Variants in EYA4 observed in about 807,000 individuals in gnomAD.
EYA4 encodes protein phosphatase EYA4.
A neutral mutation model predicts 87.9 loss-of-function variants in EYA4; 31 were observed. The observed-to-expected ratio is 0.35, with a 90% CI of 0.27 to 0.48. The LOEUF (loss-of-function observed/expected upper bound fraction) is 0.48, where lower values mean the gene tolerates loss of function less well. Ranked by LOEUF, EYA4 falls within the 20% of genes least tolerant of loss-of-function variation. The pLI is 0.99. For missense variants in EYA4, 678 were observed against 761.4 expected (o/e 0.89, Z 1.29); for synonymous variants, 263 against 270.6 (o/e 0.97, Z 0.28).
rs890401627 is a variant in EYA4, at chr6:133,343,589, C to T, written c.34-38803C>T. On this transcript the variant is annotated intron_variant, in intron 2 of 19. Coordinates refer to ENST00000355286, the MANE Select transcript of EYA4 (RefSeq NM_004100.5). ...ACCACCCCCCCCACCCACCCCACCA[C>T]CCTTGACCCTCTCCATACACACTCT... Among the ~76,000 whole-genome samples the T allele has an allele frequency of 2.0e-3, 290 of 148,124 alleles. 1 individual carries two copies. The highest frequency in any genetic ancestry group is 2.4e-3 in the Non-Finnish European group (162 of 66,592).
At chr6:133,469,304 C>T (rs1271669474) in intron 11 of EYA4, among the ~76,000 whole-genome samples, 1 of 152,044 alleles carries the variant, frequency 6.6e-6, no homozygotes, top group African/African-American at 2.4e-5. Flanking sequence ...GTAACAGAGA[C>T]TCAGTATAAT....
At chr6:133,403,101 A>T (rs901863690) in intron 3 of EYA4, among the ~76,000 whole-genome samples, 16 of 152,232 alleles carry the variant, frequency 1.1e-4, no homozygotes, top group African/African-American at 3.9e-4. Context: ...TATTATTTCC[A>T]TTACTAATTT....
chr6:133,255,340 C>CAAAAG (rs1216801272), intron 1 of EYA4, among the ~76,000 whole-genome samples: 2 of 151,804 alleles, frequency 1.3e-5, no homozygotes, highest in Non-Finnish European at 2.9e-5. Flanking sequence ...GAGGAATGAC[C>CAAAAG]AGAGGGAGCA....
At chr6:133,314,953 A>T (rs1212992637) in intron 2 of EYA4, among the ~76,000 whole-genome samples, 4 of 152,116 alleles carry the variant, frequency 2.6e-5, no homozygotes, top group African/African-American at 9.7e-5. Context: ...TCTAATATGG[A>T]TGTTTAATTT....
At chr6:133,283,826 C>G (rs1392943212) in intron 2 of EYA4, among the ~76,000 whole-genome samples, 1 of 152,176 alleles carries the variant, frequency 6.6e-6, no homozygotes, top group African/African-American at 2.4e-5. Flanking sequence ...CACTCCCTCC[C>G]ACCTGCCCAC....
chr6:133,253,317 T>G (rs1364892493), intron 1 of EYA4, among the ~76,000 whole-genome samples: 1 of 152,100 alleles, frequency 6.6e-6, no homozygotes, highest in Non-Finnish European at 1.5e-5. Flanking sequence ...ATCCAGGCAC[T>G]TTATGCCAGA....
At chr6:133,470,505 A>G (rs1795240968) in intron 11 of EYA4, among the ~76,000 whole-genome samples, 1 of 43,214 alleles carries the variant, frequency 2.3e-5, no homozygotes, top group Non-Finnish European at 4.0e-5. Flanking sequence ...CTTGTAGTAT[A>G]GTTTGAAGTC....
intron 2 of EYA4, among the ~76,000 whole-genome samples, chr6:133,359,946 G>A (rs1784335326): frequency 6.6e-6 from 1 of 152,090 alleles, no homozygotes. Flanking sequence ...TCAGACCTCT[G>A]TCTCCAGAAC....
intron 2 of EYA4, among the ~76,000 whole-genome samples, chr6:133,315,982 G>C (rs1582933068): frequency 6.6e-6 from 1 of 152,246 alleles, no homozygotes; most frequent in East Asian, 1.9e-4. Flanking sequence ...AGCAGGCTGT[G>C]ACACTAGGCA....
chr6:133,297,238 C>G (rs1398309558), intron 2 of EYA4, among the ~76,000 whole-genome samples: 3 of 151,942 alleles, frequency 2.0e-5, no homozygotes, highest in Non-Finnish European at 2.9e-5. Flanking sequence ...TGTGGGAATC[C>G]CTGGGGTCTG....
At chr6:133,468,891 A>G in intron 11 of EYA4, 160 bp downstream of exon 11, 1 of 735,966 alleles carries the variant, frequency 1.4e-6, no homozygotes, top group Non-Finnish European at 2.3e-6. Context: ...CTCTTCTGGC[A>G]TTTCAGAAGA....
intron 1 of EYA4, among the ~76,000 whole-genome samples, 182 bp downstream of exon 1, chr6:133,241,931 G>A (rs1415695617): frequency 6.6e-6 from 1 of 152,150 alleles, no homozygotes; most frequent in African/African-American, 2.4e-5. Context: ...CTTGGAGGCC[G>A]GGTGCCCCAC....
chr6:133,249,356 G>A (rs936422453), intron 1 of EYA4, among the ~76,000 whole-genome samples: 2 of 152,132 alleles, frequency 1.3e-5, no homozygotes, highest in African/African-American at 4.8e-5. Flanking sequence ...TCTCCTGGGG[G>A]CCCATTCTGG....
intron 2 of EYA4, among the ~76,000 whole-genome samples, chr6:133,283,726 G>A (rs1777813318): frequency 6.6e-6 from 1 of 152,076 alleles, no homozygotes; most frequent in Admixed American, 6.5e-5. Flanking sequence ...TTGTTACGTG[G>A]ATATATTGCA....
chr6:133,468,789 G>A (rs768334744), intron 11 of EYA4, 58 bp downstream of exon 11: 43 of 1,547,146 alleles, frequency 2.8e-5, no homozygotes, highest in African/African-American at 5.4e-5. Context: ...CTAATAAAAC[G>A]GAGAAAGTGG....
At chr6:133,343,510 C>A (rs940757969) in intron 2 of EYA4, among the ~76,000 whole-genome samples, 2 of 151,710 alleles carry the variant, frequency 1.3e-5, no homozygotes, top group Non-Finnish European at 1.5e-5. Flanking sequence ...AGTTCCCTAG[C>A]AGATAGCCTC....
At chr6:133,509,983 G>C (rs374544925) in intron 14 of EYA4, among the ~76,000 whole-genome samples, 3 of 152,100 alleles carry the variant, frequency 2.0e-5, no homozygotes, top group Non-Finnish European at 4.4e-5. Flanking sequence ...TCAGGCAACC[G>C]TCCAGAGTCA....
At position 133,468,662 on chromosome 6, in the gene EYA4, G is replaced by A. The variant is rs779172192; in HGVS notation, c.901G>A (p.Asp301Asn). 1.6e-5 allele frequency: 26 copies of A among 1,612,870 alleles called. No individual in the cohort carries two copies. The highest frequency in any genetic ancestry group is 3.3e-5 in the Admixed American group (2 of 59,836). The change falls in exon 11 of 20, where the codon GAT (aspartate) becomes AAT (asparagine). Residue 301 changes from aspartate to asparagine, a missense_variant. Physicochemically the swap from Asp to Asn is conservative, Grantham distance 23. Coordinates refer to ENST00000355286, the MANE Select transcript of EYA4 (RefSeq NM_004100.5). ...GAYMTSNNTA[D>N]GTPSSTSTYQ... is the part of the protein sequence containing the mutation. Reference sequence around the variant, plus strand: ...GTATATGACATCGAATAACACAGCCGATGGCACACCCTCTTCAACCTCTAC... The same window carrying A: ...GTATATGACATCGAATAACACAGCCAATGGCACACCCTCTTCAACCTCTAC...
intron 13 of EYA4, among the ~76,000 whole-genome samples, chr6:133,500,289 C>T (rs1458375253): frequency 6.6e-6 from 1 of 152,038 alleles, no homozygotes; most frequent in African/African-American, 2.4e-5. Context: ...CGGTGTTCCC[C>T]ATGCATGGTG....
Sources: gnomAD v4.1 joint callset for allele counts (sites outside exome capture counted in the v4.1 genomes callset) on GRCh38, gnomAD v4.1.1 for gene constraint, MANE v1.5 for transcripts, NCBI Gene and HGNC (gene_info 2026-07-23, HGNC 2026-07-21) for gene names.